The following ATPAF1 variants were observed in gnomAD, a reference collection of about 807,000 sequenced individuals.
The protein encoded by ATPAF1 is homolog of yeast ATP11.
A neutral mutation model predicts 43.9 loss-of-function variants in ATPAF1; 26 were observed. The ratio of observed to expected loss-of-function variants is 0.59; its 90% confidence interval spans 0.43 to 0.82. The LOEUF (loss-of-function observed/expected upper bound fraction) is 0.82. Ranked by LOEUF, ATPAF1 falls within the 40% of genes least tolerant of loss-of-function variation. ATPAF1 has a pLI of 0.00. For synonymous variants in ATPAF1, 157 were observed against 168.0 expected, an observed-to-expected ratio of 0.93 and a Z score of 0.50; for missense variants, 366 against 435.0, an observed-to-expected ratio of 0.84 and a Z score of 1.41.
rs970754949 is a variant in ATPAF1, at chr1:46,653,629, G to C, written c.540+188C>G. Among the ~76,000 whole-genome samples the C allele has an allele frequency of 6.6e-6, 1 of 152,244 alleles. No homozygotes were observed. Among genetic ancestry groups the C allele is most frequent in the East Asian group, 1.9e-4 (1 of 5,184 alleles). On this transcript the variant is annotated intron_variant, in intron 5 of 8. Coordinates refer to ENST00000574428, the Ensembl canonical transcript of ATPAF1. This position sits in a 1 kb window ranked among gnomAD's most constrained non-coding sequence, Gnocchi z 4.8. The stretch of plus-strand genomic sequence containing the variant: ...TCTAAAGTAGAAAGGAGGAAAACAA[G>C]AGCCATAAATATACCATATGGAGCT...
At chr1:46,646,580 T>G (rs1569604722) in intron 6 of ATPAF1, among the ~76,000 whole-genome samples, 1 of 152,318 alleles carries the variant, frequency 6.6e-6, no homozygotes, top group South Asian at 2.1e-4. Flanking sequence ...TAGTCACAAA[T>G]TATCTTCTTA....
intron 6 of ATPAF1, 187 bp downstream of exon 6, chr1:46,652,394 C>T (rs1192648094): frequency 1.8e-5 from 10 of 556,052 alleles, no homozygotes; most frequent in East Asian, 6.0e-5. Context: ...GTACAATCAA[C>T]GTGTGAGCAT....
exon 9 of ATPAF1, chr1:46,635,541 C>A: frequency 3.9e-6 from 2 of 507,354 alleles, no homozygotes; most frequent in South Asian, 3.5e-5. Context: ...TAACCTCGAA[C>A]ACTTAAAAAA....
chr1:46,638,243 C>T (rs1675876734), intron 8 of ATPAF1, among the ~76,000 whole-genome samples: 1 of 152,174 alleles, frequency 6.6e-6, no homozygotes, highest in African/African-American at 2.4e-5. Flanking sequence ...GCCTCAGGTC[C>T]CTTCACCTGT....
At chr1:46,659,327 C>T (rs7354865) in intron 2 of ATPAF1, among the ~76,000 whole-genome samples, 39,880 of 151,926 alleles carry the variant, frequency 0.26, 5,531 homozygotes, top group East Asian at 0.38. Context: ...TACTGAGAGT[C>T]CATTCTCCAC....
At chr1:46,648,214 C>A (rs1041950599) in intron 6 of ATPAF1, among the ~76,000 whole-genome samples, 3 of 152,076 alleles carry the variant, frequency 2.0e-5, no homozygotes, top group Admixed American at 2.0e-4. Context: ...CAGGTTCAAG[C>A]GATTCTCATG....
intron 2 of ATPAF1, among the ~76,000 whole-genome samples, chr1:46,661,896 T>C (rs1008954239): frequency 1.4e-5 from 2 of 146,492 alleles, no homozygotes; most frequent in African/African-American, 5.0e-5. Context: ...TAAATTTCTT[T>C]CTTTTTTTTT....
rs1481681608 is a variant in ATPAF1 at position 46,658,191 on chromosome 1, T to C, written c.427-2A>G. 1.4e-5 allele frequency: 22 copies of C among 1,596,824 alleles called. No individual in the cohort carries two copies. Among genetic ancestry groups the C allele is most frequent in the Non-Finnish European group, 1.8e-5 (21 of 1,173,248 alleles). The stretch of plus-strand genomic sequence containing the variant: ...AATGTTAAAGATTGAACTGAGAGTC[T>C]TGAAAGAGACAATAAAAAGCAATTA... On this transcript the variant is annotated splice_acceptor_variant, in intron 3 of 8. Coordinates refer to ENST00000574428, the Ensembl canonical transcript of ATPAF1. LOFTEE classifies it high-confidence loss of function.
Position 46,653,484 on chromosome 1 carries a change from G to A in ATPAF1, c.540+333C>T, listed in dbSNP as rs1676208352. ...GGAAAAAAGCTGTGCTAGAGGCCCTGTCTTAAATTCCAACAGCTTGGTTGG... is the reference window on the plus strand; with the variant it reads ...GGAAAAAAGCTGTGCTAGAGGCCCTATCTTAAATTCCAACAGCTTGGTTGG... On this transcript the variant is annotated intron_variant, in intron 5 of 8. Transcript: ENST00000574428. The surrounding 1 kb of genome is among the most constrained non-coding windows in gnomAD (Gnocchi z 4.8). Among the ~76,000 whole-genome samples, 1 of 152,144 alleles carries A rather than the reference G, an allele frequency of 6.6e-6. No individual in the cohort carries two copies. The highest frequency in any genetic ancestry group is 6.6e-5 in the Admixed American group (1 of 15,264).
At chr1:46,668,411 G>A, upstream of ATPAF1, 2 of 1,174,020 alleles carry the variant, frequency 1.7e-6, no homozygotes, top group Non-Finnish European at 2.1e-6. The surrounding 1 kb of genome is among the most constrained non-coding windows in gnomAD (Gnocchi z 4.4). Context: ...AGTGCGCCGC[G>A]CCCGCGCTCC....
intron 8 of ATPAF1, among the ~76,000 whole-genome samples, chr1:46,636,683 G>A (rs575176531): frequency 1.3e-5 from 2 of 151,978 alleles, no homozygotes; most frequent in South Asian, 4.2e-4. Context: ...TCAGGAGGCT[G>A]AGGTAGGAGG....
At chr1:46,657,448 T>G (rs1442628614) in intron 4 of ATPAF1, among the ~76,000 whole-genome samples, 1 of 152,260 alleles carries the variant, frequency 6.6e-6, no homozygotes, top group Non-Finnish European at 1.5e-5. Flanking sequence ...AGAAAAGGAA[T>G]ACAGGAAGTC....
At chr1:46,641,235 C>G (rs914502786) in intron 8 of ATPAF1, among the ~76,000 whole-genome samples, 2 of 149,974 alleles carry the variant, frequency 1.3e-5, no homozygotes, top group Non-Finnish European at 3.0e-5. Flanking sequence ...CATGCCACCA[C>G]GCCTGGCTAA....
Position 46,653,993 on chromosome 1 carries a change from A to G in ATPAF1, c.490-126T>C. 1.3e-6 allele frequency: 1 copy of G among 761,206 alleles called. No homozygotes were observed. 47.2% of individuals were successfully genotyped at this position (761,206 alleles called of 1,614,324 possible). ...TGATAACAGAGAGGAAAAACCCAGT[A>G]TAACGCTTTCATTACTAGCACATCA... is the stretch of plus-strand genomic sequence containing the variant. On this transcript the variant is annotated intron_variant, in intron 4 of 8. Coordinates refer to ENST00000574428, the Ensembl canonical transcript of ATPAF1. The surrounding 1 kb of genome is among the most constrained non-coding windows in gnomAD (Gnocchi z 4.8).
At chr1:46,660,464 C>G (rs1676367183) in intron 2 of ATPAF1, among the ~76,000 whole-genome samples, 1 of 152,088 alleles carries the variant, frequency 6.6e-6, no homozygotes. Flanking sequence ...AAAATTTAAG[C>G]CCTAAGTATA....
At chr1:46,662,946 C>T (rs1218990359) in intron 2 of ATPAF1, among the ~76,000 whole-genome samples, 1 of 152,020 alleles carries the variant, frequency 6.6e-6, no homozygotes, top group African/African-American at 2.4e-5. Context: ...CCCGACCCCA[C>T]AACAGGCCCC....
In ATPAF1 at chr1:46,651,755, T is replaced by C. The variant is rs1569615834; in HGVS notation, c.588+826A>G. Among the ~76,000 whole-genome samples the C allele has an allele frequency of 2.6e-5, 4 of 151,966 alleles. No homozygotes were observed. The South Asian group carries it at 8.3e-4, about 32-fold the overall frequency. ...CAGAGTGAACAGGCAACCTACAAAA[T>C]GGGAGAAAATTTTTGCAACCTACTC... On this transcript the variant is annotated intron_variant, in intron 6 of 8. Transcript: ENST00000574428.
At chr1:46,665,605 G>C (rs748003950) in intron 1 of ATPAF1, 1 of 1,457,078 alleles carries the variant, frequency 6.9e-7, no homozygotes, top group Non-Finnish European at 9.3e-7. Flanking sequence ...TTTGCAGGCT[G>C]TTCCCTAGGT....
chr1:46,668,164 C>G lies in ATPAF1; in HGVS notation c.159G>C (p.Ser53=). 11 of 1,400,886 alleles carry G rather than the reference C, an allele frequency of 7.9e-6. No individual in the cohort carries two copies. The highest frequency in any genetic ancestry group is 1.0e-5 in the Non-Finnish European group (11 of 1,078,176). The allele number at this position is 1,400,886 out of a possible 1,614,324, so 86.8% of individuals were successfully genotyped here. The change falls in exon 1 of 9, where the codon TCG becomes TCC. Residue 53 remains serine, a synonymous_variant. Coordinates refer to ENST00000574428, the Ensembl canonical transcript of ATPAF1. This position sits in a 1 kb window ranked among gnomAD's most constrained non-coding sequence, Gnocchi z 4.4. The stretch of plus-strand genomic sequence containing the variant: ...TGTCGGCGCCCCCCTCGGGCCGGCC[C>G]GAGCCGGGGCGCACTGGGAAGACGC...
Sources: gnomAD v4.1 joint callset for allele counts (sites outside exome capture counted in the v4.1 genomes callset) on GRCh38, gnomAD v4.1.1 for gene constraint, Gnocchi (gnomAD v3.1) non-coding constraint, MANE v1.5 for transcripts, NCBI Gene and HGNC (gene_info 2026-07-23, HGNC 2026-07-21) for gene names.